Variants in PLXDC2 observed in about 807,000 individuals in gnomAD.
PLXDC2 encodes plexin domain containing 2.
A neutral mutation model predicts 68.9 loss-of-function variants in PLXDC2; 40 were observed. The ratio of observed to expected loss-of-function variants is 0.58; its 90% confidence interval spans 0.45 to 0.76. The LOEUF is 0.76. PLXDC2 is among the 30% of genes least tolerant of loss of function. PLXDC2 has a pLI of 0.00. For missense variants in PLXDC2, 644 were observed against 661.9 expected (o/e 0.97, Z 0.30); for synonymous variants, 243 against 234.2 (o/e 1.04, Z -0.34).
intron 9 of PLXDC2, among the ~76,000 whole-genome samples, chr10:20,181,111 A>G (rs1379095471): frequency 6.6e-6 from 1 of 152,090 alleles, no homozygotes; most frequent in Non-Finnish European, 1.5e-5. Context: ...TAAGAGAAAT[A>G]AACAGGAAAA....
chr10:20,287,989 G>GGA lies in PLXDC2; in HGVS notation c.*8171_*8172insAG, dbSNP rs1836181528. ...GGGCACTTCTTGCGGCGGGGGAGGG[G>GGA]GGGGGGGCGGTGGCTTTCCAGATTT... On this transcript the variant is annotated 3_prime_UTR_variant, in exon 14 of 14. Coordinates refer to ENST00000377252, the MANE Select transcript of PLXDC2 (RefSeq NM_032812.9). The GGA allele has an allele frequency of 9.3e-4, 4 of 4,296 alleles. No individual in the cohort carries two copies. Among genetic ancestry groups the GGA allele is most frequent in the Non-Finnish European group, 5.7e-3 (4 of 696 alleles). 0.3% of individuals were successfully genotyped at this position (4,296 alleles called of 1,614,324 possible).
At chr10:19,988,429 A>G (rs72789668) in intron 1 of PLXDC2, among the ~76,000 whole-genome samples, 33,460 of 152,060 alleles carry the variant, frequency 0.22, 4,546 homozygotes, top group African/African-American at 0.38. Flanking sequence ...TCCTCTTAAT[A>G]TCACTATCTA....
At chr10:20,238,709 G>GTA (rs1835473943) in intron 12 of PLXDC2, among the ~76,000 whole-genome samples, 1 of 76,950 alleles carries the variant, frequency 1.3e-5, no homozygotes, top group African/African-American at 4.7e-5. Flanking sequence ...ATATATATGT[G>GTA]TATATATACA....
At chr10:20,130,123 T>C (rs1833847775) in intron 4 of PLXDC2, among the ~76,000 whole-genome samples, 2 of 152,150 alleles carry the variant, frequency 1.3e-5, no homozygotes, top group African/African-American at 4.8e-5. Flanking sequence ...TTAATATTTT[T>C]AATTTTCAAT....
At position 20,147,951 on chromosome 10, in the gene PLXDC2, C is replaced by T. The variant is rs776598030; in HGVS notation, c.783+49C>T. On this transcript the variant is annotated intron_variant, in intron 6 of 13. Transcript: ENST00000377252. ...TTTCCCTTCCCCTTGTTCTTGACTG[C>T]TGCCTTTCCTCCAAATGTCAAGAAA... 66 of 1,260,558 alleles carry T rather than the reference C, an allele frequency of 5.2e-5. 1 individual carries two copies. The South Asian group carries it at 7.6e-4, about 14-fold the overall frequency. The allele number at this position is 1,260,558 out of a possible 1,614,324, so 78.1% of individuals were successfully genotyped here.
intron 7 of PLXDC2, among the ~76,000 whole-genome samples, chr10:20,176,146 T>C (rs7087623): frequency 0.042 from 6,454 of 152,236 alleles, 451 homozygotes; most frequent in African/African-American, 0.15. Flanking sequence ...ATTTTTAAAC[T>C]ACATCGTGCA....
At chr10:19,900,760 T>C (rs1263106912) in intron 1 of PLXDC2, among the ~76,000 whole-genome samples, 1 of 151,936 alleles carries the variant, frequency 6.6e-6, no homozygotes, top group Non-Finnish European at 1.5e-5. Context: ...CACCCCCGCC[T>C]ACCCTTTGCC....
At chr10:19,850,307 T>G (rs1228925445) in intron 1 of PLXDC2, among the ~76,000 whole-genome samples, 2 of 151,740 alleles carry the variant, frequency 1.3e-5, no homozygotes, top group Non-Finnish European at 2.9e-5. Flanking sequence ...TACACACACA[T>G]TTTGAATAAG....
chr10:20,036,018 T>A (rs1835571812), intron 2 of PLXDC2, among the ~76,000 whole-genome samples: 1 of 152,206 alleles, frequency 6.6e-6, no homozygotes, highest in Non-Finnish European at 1.5e-5. Flanking sequence ...ATTAGAAAGC[T>A]TGAATGGCAA....
chr10:19,927,808 A>T (rs567957317), intron 1 of PLXDC2, among the ~76,000 whole-genome samples: 36 of 143,926 alleles, frequency 2.5e-4, no homozygotes, highest in African/African-American at 8.7e-4. Context: ...AACTTCTTTT[A>T]TATACATTTT....
intron 2 of PLXDC2, 63 bp from the exon 3 acceptor site, chr10:20,046,806 T>G: frequency 6.7e-7 from 1 of 1,485,258 alleles, no homozygotes; most frequent in South Asian, 1.3e-5. Context: ...AATAGGATTT[T>G]TTTTAAAGAA....
At chr10:20,050,115 A>T (rs1589605160) in intron 3 of PLXDC2, among the ~76,000 whole-genome samples, 1 of 151,896 alleles carries the variant, frequency 6.6e-6, no homozygotes, top group African/African-American at 2.4e-5. Flanking sequence ...TGGAGAAAAG[A>T]CTCCCTGTTC....
intron 2 of PLXDC2, among the ~76,000 whole-genome samples, chr10:20,043,793 T>A (rs1278097511): frequency 6.6e-6 from 1 of 152,052 alleles, no homozygotes; most frequent in Non-Finnish European, 1.5e-5. Flanking sequence ...CCCTGAAAAA[T>A]TAAATGAATT....
At chr10:20,211,942 T>G (rs1835075445) in intron 10 of PLXDC2, among the ~76,000 whole-genome samples, 1 of 152,130 alleles carries the variant, frequency 6.6e-6, no homozygotes, top group African/African-American at 2.4e-5. Flanking sequence ...TTGTAGCAAC[T>G]TGCTACAACC....
At chr10:20,093,213 T>C (rs7902212) in intron 4 of PLXDC2, among the ~76,000 whole-genome samples, 104,970 of 152,032 alleles carry the variant, frequency 0.69, 38,581 homozygotes, top group East Asian at 1. Flanking sequence ...TATGGAATGA[T>C]TTCGTGTATA....
At chr10:20,067,016 T>G (rs1440387086) in intron 3 of PLXDC2, among the ~76,000 whole-genome samples, 1 of 152,148 alleles carries the variant, frequency 6.6e-6, no homozygotes, top group Non-Finnish European at 1.5e-5. Context: ...GTAATTGCGG[T>G]TTTTGCCATT....
At chr10:20,089,844 A>G in intron 4 of PLXDC2, among the ~76,000 whole-genome samples, 1 of 152,224 alleles carries the variant, frequency 6.6e-6, no homozygotes, top group East Asian at 1.9e-4. Flanking sequence ...AACACAGAAC[A>G]AATAAAATTC....
At chr10:20,240,873 G>A (rs2778983) in intron 12 of PLXDC2, among the ~76,000 whole-genome samples, 132,641 of 152,184 alleles carry the variant, frequency 0.87, 58,256 homozygotes, top group Middle Eastern at 0.95. Context: ...ATATTTTGGA[G>A]TTGAGTATGC....
chr10:19,946,532 G>A (rs1195459233), intron 1 of PLXDC2, among the ~76,000 whole-genome samples: 1 of 151,336 alleles, frequency 6.6e-6, no homozygotes, highest in Non-Finnish European at 1.5e-5. Flanking sequence ...CTTTAAGATG[G>A]ACAGTTTATC....
Sources: allele counts gnomAD v4.1 joint callset (sites outside exome capture counted in the v4.1 genomes callset), GRCh38; gene constraint gnomAD v4.1.1; transcripts MANE v1.5; gene names NCBI Gene and HGNC (gene_info 2026-07-23, HGNC 2026-07-21).